The following EIPR1 variants were observed in gnomAD, a reference collection of about 807,000 sequenced individuals.
EIPR1 encodes the protein EARP and GARP complex-interacting protein 1.
EIPR1 carries 25 observed loss-of-function variants against 48.1 expected under a neutral mutation model. The ratio of observed to expected loss-of-function variants is 0.52; its 90% CI spans 0.38 to 0.73. The LOEUF is 0.73. EIPR1 is among the 30% of genes least tolerant of loss of function. The pLI, the probability that EIPR1 is intolerant of heterozygous loss-of-function variation, is 0.00. For missense variants in EIPR1, 415 were observed against 506.2 expected (o/e 0.82, Z 1.73); for synonymous variants, 204 against 201.9 (o/e 1.01, Z -0.09).
At chr2:3,363,757 G>A (rs1167526997) in intron 1 of EIPR1, among the ~76,000 whole-genome samples, 2 of 150,498 alleles carry the variant, frequency 1.3e-5, no homozygotes, top group African/African-American at 4.9e-5. Context: ...CCATCTGTCA[G>A]GCGATTAATA....
At chr2:3,299,544 A>G (rs1668702805) in intron 3 of EIPR1, among the ~76,000 whole-genome samples, 1 of 151,952 alleles carries the variant, frequency 6.6e-6, no homozygotes, top group Non-Finnish European at 1.5e-5. Flanking sequence ...ATTGACTTTG[A>G]CACTATAGCC....
At chr2:3,207,364 G>A (rs1290633500) in intron 5 of EIPR1, among the ~76,000 whole-genome samples, 1 of 152,220 alleles carries the variant, frequency 6.6e-6, no homozygotes, top group Non-Finnish European at 1.5e-5. Context: ...AGGACTCACT[G>A]CCTCCGGGCC....
intron 6 of EIPR1, among the ~76,000 whole-genome samples, chr2:3,195,754 T>G (rs1664781408): frequency 6.6e-6 from 1 of 152,154 alleles, no homozygotes. Flanking sequence ...CCTGGCTCCA[T>G]GCAAACCAAA....
chr2:3,367,438 A>T (rs1266625523), intron 1 of EIPR1, among the ~76,000 whole-genome samples: 1 of 152,260 alleles, frequency 6.6e-6, no homozygotes, highest in Admixed American at 6.5e-5. Context: ...AGGAGCAGGC[A>T]ACACCAATAT....
At chr2:3,357,747 T>C (rs538469745) in intron 1 of EIPR1, among the ~76,000 whole-genome samples, 1 of 152,360 alleles carries the variant, frequency 6.6e-6, no homozygotes, top group African/African-American at 2.4e-5. Context: ...GGCTGCCCAA[T>C]TCACGAATTG....
chr2:3,342,085 C>T (rs1230457579), intron 2 of EIPR1, among the ~76,000 whole-genome samples: 3 of 152,094 alleles, frequency 2.0e-5, no homozygotes, highest in Non-Finnish European at 4.4e-5. Context: ...ATAAGAACTA[C>T]ATAAATGTTG....
intron 3 of EIPR1, among the ~76,000 whole-genome samples, chr2:3,278,127 CTCAG>C (rs199778717): frequency 0.025 from 3,775 of 152,336 alleles, 73 homozygotes; most frequent in South Asian, 0.074. Context: ...CCCAGGCTCA[CTCAG>C]TCTGTCTGTG....
intron 2 of EIPR1, among the ~76,000 whole-genome samples, chr2:3,345,951 C>G (rs1670387911): frequency 6.6e-6 from 1 of 152,096 alleles, no homozygotes; most frequent in African/African-American, 2.4e-5. Context: ...CAGTGAAAAC[C>G]ACCACCACCA....
chr2:3,241,544 G>A (rs575919162), intron 4 of EIPR1, among the ~76,000 whole-genome samples: 22 of 152,244 alleles, frequency 1.4e-4, no homozygotes, highest in African/African-American at 5.1e-4. Context: ...TGCAATACTC[G>A]CTACTCCAAA....
intron 3 of EIPR1, among the ~76,000 whole-genome samples, chr2:3,261,509 T>C (rs903785730): frequency 6.6e-6 from 1 of 152,154 alleles, no homozygotes; most frequent in African/African-American, 2.4e-5. Flanking sequence ...CTGCAATGAT[T>C]ACCCTAGTCT....
At chr2:3,259,412 A>G (rs371633905) in intron 3 of EIPR1, among the ~76,000 whole-genome samples, 1 of 152,338 alleles carries the variant, frequency 6.6e-6, no homozygotes, top group African/African-American at 2.4e-5. Context: ...TCAATAAAGC[A>G]AAAGTGGTAC....
chr2:3,282,630 G>A (rs1668047873), intron 3 of EIPR1: 1 of 152,408 alleles, frequency 6.6e-6, no homozygotes, highest in Middle Eastern at 3.4e-3. Context: ...TCTGGGGGCA[G>A]AGCCAGCTGG....
intron 2 of EIPR1, among the ~76,000 whole-genome samples, chr2:3,344,509 C>G (rs183384310): frequency 2.9e-4 from 44 of 152,302 alleles, no homozygotes; most frequent in Non-Finnish European, 5.0e-4. Context: ...CTGTGTGACC[C>G]TGGGCAAGTC....
At chr2:3,356,344 C>T (rs1019942168) in intron 1 of EIPR1, among the ~76,000 whole-genome samples, 1 of 152,170 alleles carries the variant, frequency 6.6e-6, no homozygotes, top group Non-Finnish European at 1.5e-5. Context: ...GAAAGAGAAA[C>T]GTAGGCTGTA....
chr2:3,365,819 A>G (rs1338993975), intron 1 of EIPR1, among the ~76,000 whole-genome samples: 2 of 151,812 alleles, frequency 1.3e-5, no homozygotes, highest in Non-Finnish European at 2.9e-5. Flanking sequence ...TCACAGATCA[A>G]CAGGATAAGA....
intron 3 of EIPR1, among the ~76,000 whole-genome samples, chr2:3,299,022 C>A (rs1295601760): frequency 6.6e-6 from 1 of 152,168 alleles, no homozygotes; most frequent in Non-Finnish European, 1.5e-5. Flanking sequence ...GCTTAACAGC[C>A]CCACAGATAC....
chr2:3,200,655 G>A (rs376895951), intron 5 of EIPR1, among the ~76,000 whole-genome samples: 41 of 152,204 alleles, frequency 2.7e-4, no homozygotes, highest in East Asian at 1.5e-3. Context: ...ACACAGGGGC[G>A]GGGCAGGGAG....
intron 1 of EIPR1, among the ~76,000 whole-genome samples, chr2:3,358,839 A>G (rs955699616): frequency 6.6e-6 from 1 of 152,344 alleles, no homozygotes; most frequent in Non-Finnish European, 1.5e-5. Flanking sequence ...AAGAACCCCA[A>G]GATTTTCAAA....
At chr2:3,373,373 C>T (rs1359249540) in intron 1 of EIPR1, among the ~76,000 whole-genome samples, 3 of 152,118 alleles carry the variant, frequency 2.0e-5, no homozygotes, top group African/African-American at 7.2e-5. Flanking sequence ...GTTGGAAGTT[C>T]TGGCCAGGGC....
Sources: allele counts gnomAD v4.1 joint callset (sites outside exome capture counted in the v4.1 genomes callset), GRCh38; gene constraint gnomAD v4.1.1; transcripts MANE v1.5; gene names NCBI Gene and HGNC (gene_info 2026-07-23, HGNC 2026-07-21).